The following DPP10 variants were observed in gnomAD, a reference collection of about 807,000 sequenced individuals.
The protein encoded by DPP10 is dipeptidyl peptidase like 10.
In DPP10, 33 loss-of-function variants were observed where a neutral mutation model predicts 120.9. The observed-to-expected ratio is 0.27, with a 90% CI of 0.21 to 0.37. The LOEUF is 0.37. Ranked by LOEUF, DPP10 falls within the 10% of genes least tolerant of loss-of-function variation. The pLI is 1.00. For missense variants in DPP10, 816 were observed against 942.8 expected (o/e 0.87, Z 1.76); for synonymous variants, 337 against 326.1 (o/e 1.03, Z -0.36).
At chr2:115,703,730 A>G (rs2091985356) in intron 7 of DPP10, among the ~76,000 whole-genome samples, 1 of 152,056 alleles carries the variant, frequency 6.6e-6, no homozygotes, top group African/African-American at 2.4e-5. Flanking sequence ...ATACCTCCAC[A>G]GCAACGTCTA....
intron 1 of DPP10, among the ~76,000 whole-genome samples, chr2:115,019,013 C>T (rs955658142): frequency 6.6e-6 from 1 of 151,834 alleles, no homozygotes; most frequent in Non-Finnish European, 1.5e-5. Context: ...GTCACCATCA[C>T]CGCACCCATC....
chr2:115,257,614 T>C (rs1177236826), intron 1 of DPP10, among the ~76,000 whole-genome samples: 8 of 152,198 alleles, frequency 5.3e-5, no homozygotes, highest in Admixed American at 5.2e-4. Flanking sequence ...ACACTGGGGA[T>C]GATATCTGAG....
chr2:115,603,243 A>G (rs777856416), intron 5 of DPP10, among the ~76,000 whole-genome samples: 2 of 151,844 alleles, frequency 1.3e-5, no homozygotes, highest in African/African-American at 4.8e-5. Flanking sequence ...TCCATCATCA[A>G]GACACAGCCT....
intron 1 of DPP10, among the ~76,000 whole-genome samples, chr2:114,541,354 T>G (rs1835328): frequency 6.6e-6 from 1 of 151,922 alleles, no homozygotes; most frequent in African/African-American, 2.4e-5. Context: ...AGGTGACTCT[T>G]GGACAGCCAA....
At chr2:114,596,847 TTA>T (rs1342955118) in intron 1 of DPP10, among the ~76,000 whole-genome samples, 5 of 152,074 alleles carry the variant, frequency 3.3e-5, no homozygotes, top group Non-Finnish European at 5.9e-5. Context: ...TGTTGTTACA[TTA>T]TCCTTCTCTT....
intron 7 of DPP10, among the ~76,000 whole-genome samples, chr2:115,727,018 G>A (rs1328831939): frequency 7.3e-6 from 1 of 137,010 alleles, no homozygotes; most frequent in Non-Finnish European, 1.6e-5. Flanking sequence ...TTGGTCAGCA[G>A]TTTCAAGTAT....
In DPP10 at chr2:114,608,373, C is replaced by G. The variant is rs566478682; in HGVS notation, c.60+165535C>G. Among the ~76,000 whole-genome samples, 8 of 151,976 alleles carry G rather than the reference C, an allele frequency of 5.3e-5. No individual in the cohort carries two copies. In the South Asian group the frequency reaches 1.7e-3, roughly 32 times the overall value. ...AATTAAAAATAATGGTAAGATGATC[C>G]CAGAAAAGATTAGTGTAGAAGGAGA... On this transcript the variant is annotated intron_variant, in intron 1 of 25. Transcript: ENST00000410059.
rs190354970 is a variant in DPP10 at position 114,555,011 on chromosome 2, C to T, written c.60+112173C>T. ...GAGCAAACATAATGGACCTGGGCAT[C>T]GAGGTTGGGAGAATGCTGAAAAAGA... On this transcript the variant is annotated intron_variant, in intron 1 of 25. Transcript: ENST00000410059. 9.9e-5 allele frequency among the ~76,000 whole-genome samples: 15 copies of T among 152,238 alleles called. No homozygotes were observed. In the East Asian group the frequency reaches 2.5e-3, roughly 25 times the overall value.
rs570028712 is a variant in DPP10, at chr2:115,018,005, TAA to T, written c.61-291224_61-291223del. On this transcript the variant is annotated intron_variant, in intron 1 of 25. Transcript: ENST00000410059. ...TACGCTAGAACTTAAAGTATAATAA[TAA>T]AAAAAAAAAGAGAAAAACAACCCCA... Among the ~76,000 whole-genome samples, 852 of 133,290 alleles carry T rather than the reference TAA, an allele frequency of 6.4e-3. 8 individuals carry two copies. The highest frequency in any genetic ancestry group is 0.022 in the African/African-American group (803 of 35,826). The allele number at this position is 133,290 out of a possible 152,430, so 87.4% of individuals were successfully genotyped here. A position where few individuals can be genotyped will look rare whatever the true frequency, so the allele number is the denominator to read the frequency against.
At chr2:115,050,845 G>C (rs1266008641) in intron 1 of DPP10, among the ~76,000 whole-genome samples, 1 of 152,160 alleles carries the variant, frequency 6.6e-6, no homozygotes, top group Admixed American at 6.5e-5. Flanking sequence ...AGATGTTTTT[G>C]GTTCCAGGCA....
intron 2 of DPP10, among the ~76,000 whole-genome samples, chr2:115,340,755 T>TTA (rs1559453350): frequency 6.6e-6 from 1 of 151,458 alleles, no homozygotes; most frequent in Non-Finnish European, 1.5e-5. Context: ...TAAAAGAAAT[T>TTA]TATATATATA....
intron 1 of DPP10, among the ~76,000 whole-genome samples, chr2:115,026,343 TA>T (rs1703457359): frequency 6.6e-6 from 1 of 152,152 alleles, no homozygotes; most frequent in Non-Finnish European, 1.5e-5. Context: ...TATGGATTTA[TA>T]TCCAGTTTCC....
chr2:115,576,460 T>G (rs899278263), intron 5 of DPP10, among the ~76,000 whole-genome samples: 1 of 152,180 alleles, frequency 6.6e-6, no homozygotes, highest in Non-Finnish European at 1.5e-5. Context: ...AGCACAGAGT[T>G]GCTAGATAGT....
intron 1 of DPP10, among the ~76,000 whole-genome samples, chr2:115,181,080 CACCTT>C (rs943942140): frequency 3.7e-5 from 5 of 136,804 alleles, no homozygotes; most frequent in African/African-American, 1.2e-4. Context: ...TAATATGAAA[CACCTT>C]AACACTAAGA....
At chr2:115,600,602 A>G (rs563169080) in intron 5 of DPP10, among the ~76,000 whole-genome samples, 1 of 152,362 alleles carries the variant, frequency 6.6e-6, no homozygotes, top group South Asian at 2.1e-4. Context: ...TCTAAAGCGT[A>G]GCTCATTCAC....
At chr2:115,655,360 A>T (rs866431063) in intron 5 of DPP10, among the ~76,000 whole-genome samples, 1 of 151,750 alleles carries the variant, frequency 6.6e-6, no homozygotes, top group Non-Finnish European at 1.5e-5. Flanking sequence ...AAAAGCACTC[A>T]TGAATACCTA....
At chr2:115,798,110 C>T (rs1244502042) in intron 19 of DPP10, among the ~76,000 whole-genome samples, 7 of 151,552 alleles carry the variant, frequency 4.6e-5, no homozygotes, top group African/African-American at 1.5e-4. Context: ...ATTAATAGTT[C>T]CTATTTAAAA....
At chr2:115,470,839 A>G (rs1444558231) in intron 3 of DPP10, among the ~76,000 whole-genome samples, 1 of 152,188 alleles carries the variant, frequency 6.6e-6, no homozygotes, top group Non-Finnish European at 1.5e-5. Flanking sequence ...TCTTACATTT[A>G]CAAATGTACT....
chr2:115,717,444 T>C lies in DPP10; in HGVS notation c.577-10372T>C, dbSNP rs77235988. 3.6e-3 allele frequency among the ~76,000 whole-genome samples: 542 copies of C among 152,294 alleles called. 2 individuals are homozygous for C. The highest frequency in any genetic ancestry group is 0.01 in the South Asian group (50 of 4,826). On this transcript the variant is annotated intron_variant, in intron 7 of 25. Transcript: ENST00000410059. ...GGCTTTGGAGCCAGGCTGCCTGTAT[T>C]TGTGTTAAGTTTCACCATTACCTAC...
Sources: allele counts gnomAD v4.1 joint callset (sites outside exome capture counted in the v4.1 genomes callset), GRCh38; gene constraint gnomAD v4.1.1; transcripts MANE v1.5; gene names NCBI Gene and HGNC (gene_info 2026-07-23, HGNC 2026-07-21).